Variants in MAST2 observed in about 807,000 individuals in gnomAD.
MAST2 encodes the protein microtubule associated serine/threonine kinase 2, also known as microtubule-associated serine/threonine-protein kinase 2.
A neutral mutation model predicts 147.4 loss-of-function variants in MAST2; 70 were observed. The observed-to-expected ratio is 0.47, with a 90% CI of 0.39 to 0.58. The LOEUF (loss-of-function observed/expected upper bound fraction) is 0.58, where lower values mean the gene tolerates loss of function less well. Among genes scored for constraint, MAST2 ranks in the 20% least tolerant of loss-of-function variants. The pLI is 0.00. For missense variants in MAST2, 2,080 were observed against 2,302.3 expected (o/e 0.90, Z 1.98); for synonymous variants, 869 against 896.8 (o/e 0.97, Z 0.55).
intron 3 of MAST2, among the ~76,000 whole-genome samples, chr1:45,857,726 A>G (rs1645835741): frequency 6.6e-6 from 1 of 151,906 alleles, no homozygotes. Flanking sequence ...CATTAGGTAT[A>G]TCTCCTAATG....
chr1:45,823,730 T>C (rs139344117), intron 1 of MAST2, among the ~76,000 whole-genome samples: 1 of 152,308 alleles, frequency 6.6e-6, no homozygotes, highest in East Asian at 1.9e-4. Context: ...TGACATATAA[T>C]AGATATACCT....
chr1:45,860,649 T>C (rs966225169), intron 3 of MAST2, among the ~76,000 whole-genome samples: 1 of 151,956 alleles, frequency 6.6e-6, no homozygotes, highest in Non-Finnish European at 1.5e-5. Flanking sequence ...CTGGCCAACA[T>C]GGTGAAACCC....
chr1:45,931,114 C>T (rs1184820211), intron 4 of MAST2, among the ~76,000 whole-genome samples: 1 of 152,168 alleles, frequency 6.6e-6, no homozygotes, highest in Non-Finnish European at 1.5e-5. Context: ...CACCAAATGT[C>T]CCAGTAATAT....
intron 17 of MAST2, 54 bp downstream of exon 17, chr1:46,027,917 C>A: frequency 6.2e-7 from 1 of 1,601,852 alleles, no homozygotes. Flanking sequence ...CTTGTCCTGG[C>A]GCAGTGTCTT....
At chr1:45,939,052 A>T (rs752593764) in intron 4 of MAST2, among the ~76,000 whole-genome samples, 4 of 150,710 alleles carry the variant, frequency 2.7e-5, no homozygotes, top group Non-Finnish European at 5.9e-5. Context: ...AAAAATTGAT[A>T]ATTTTTTATT....
At chr1:45,977,465 G>A (rs960576553) in intron 5 of MAST2, among the ~76,000 whole-genome samples, 1 of 151,268 alleles carries the variant, frequency 6.6e-6, no homozygotes, top group African/African-American at 2.4e-5. Context: ...TCCAGCTTGG[G>A]CGACAAGAGG....
At chr1:45,962,356 A>C (rs1223861596) in intron 5 of MAST2, among the ~76,000 whole-genome samples, 1 of 151,978 alleles carries the variant, frequency 6.6e-6, no homozygotes, top group African/African-American at 2.4e-5. Context: ...ACTGACTTCC[A>C]CAATGGTTGA....
intron 6 of MAST2, among the ~76,000 whole-genome samples, chr1:46,001,509 T>C (rs1645273127): frequency 6.6e-6 from 1 of 152,216 alleles, no homozygotes; most frequent in Non-Finnish European, 1.5e-5. Context: ...CGACTTGTTT[T>C]ATTGTGTGGT....
intron 3 of MAST2, among the ~76,000 whole-genome samples, chr1:45,857,051 T>C (rs1645813039): frequency 6.6e-6 from 1 of 152,222 alleles, no homozygotes; most frequent in African/African-American, 2.4e-5. Context: ...CTTCCCTGTT[T>C]TATTTTTCTT....
chr1:45,814,999 A>G (rs952419307), intron 1 of MAST2, among the ~76,000 whole-genome samples: 1 of 152,178 alleles, frequency 6.6e-6, no homozygotes, highest in African/African-American at 2.4e-5. Context: ...GCCCAAGGGA[A>G]CCATGTGTTA....
chr1:46,017,625 C>T (rs1296055025), intron 10 of MAST2, among the ~76,000 whole-genome samples: 13 of 152,030 alleles, frequency 8.6e-5, no homozygotes, highest in African/African-American at 3.1e-4. Flanking sequence ...GAGATACCAT[C>T]TCACACCAGT....
In MAST2 at chr1:46,032,286, G is replaced by A; in HGVS notation, c.3296G>A (p.Gly1099Asp). Residue 1099 changes from glycine (G) to aspartate (D), a missense_variant, in exon 25 of 29, where the codon GGC becomes GAC. Coordinates refer to ENST00000361297, the MANE Select transcript of MAST2 (RefSeq NM_015112.3). Reference sequence around the variant, plus strand: ...AGCAGGGACTTCTTGCCAGCCCTTGGCAGCATGAGGCCTCCCATCATCATC... The same window carrying A: ...AGCAGGGACTTCTTGCCAGCCCTTGACAGCATGAGGCCTCCCATCATCATC... ...SPSRDFLPALGSMRPPIIIHR... is the reference protein window; with the variant it reads ...SPSRDFLPALDSMRPPIIIHR... The A allele has an allele frequency of 6.2e-7, 1 of 1,614,204 alleles. No individual in the cohort carries two copies. Among genetic ancestry groups the A allele is most frequent in the Non-Finnish European group, 8.5e-7 (1 of 1,180,038 alleles).
intron 17 of MAST2, 91 bp downstream of exon 17, chr1:46,027,954 G>T: frequency 6.7e-7 from 1 of 1,497,604 alleles, no homozygotes; most frequent in Non-Finnish European, 9.1e-7. Flanking sequence ...CCCTTTGGGA[G>T]GCTGAGGCAG....
At chr1:45,975,526 G>A (rs1482837027) in intron 5 of MAST2, among the ~76,000 whole-genome samples, 3 of 128,782 alleles carry the variant, frequency 2.3e-5, no homozygotes, top group African/African-American at 9.0e-5. Context: ...AAAAAAGCCA[G>A]GTGTGGTAAT....
chr1:45,901,484 G>C (rs1250288849), intron 4 of MAST2, among the ~76,000 whole-genome samples: 1 of 152,104 alleles, frequency 6.6e-6, no homozygotes, highest in Non-Finnish European at 1.5e-5. Context: ...TACTATGTGG[G>C]CTCTTCTTTG....
rs752947490 is a variant in MAST2, at chr1:46,036,118, A to G, written c.*52A>G. On this transcript the variant is annotated 3_prime_UTR_variant, in exon 29 of 29. Transcript: ENST00000361297. Reference sequence around the variant, plus strand: ...GACCTGTGTAATATATGCTCCTGGAAACCATCTTTATGTCTTTTGCTTGCT... The same window carrying G: ...GACCTGTGTAATATATGCTCCTGGAGACCATCTTTATGTCTTTTGCTTGCT... 5 of 1,502,760 alleles carry G rather than the reference A, an allele frequency of 3.3e-6. No homozygotes were observed. The highest frequency in any genetic ancestry group is 4.5e-6 in the Non-Finnish European group (5 of 1,114,244). The allele number at this position is 1,502,760 out of a possible 1,614,324, so 93.1% of individuals were successfully genotyped here.
intron 4 of MAST2, among the ~76,000 whole-genome samples, chr1:45,898,281 G>A (rs988613588): frequency 6.6e-6 from 1 of 152,166 alleles, no homozygotes; most frequent in African/African-American, 2.4e-5. Flanking sequence ...TTAAGTATGA[G>A]CACATACGTC....
intron 4 of MAST2, among the ~76,000 whole-genome samples, chr1:45,899,869 T>A (rs1430281677): frequency 6.6e-6 from 1 of 151,994 alleles, no homozygotes; most frequent in South Asian, 2.1e-4. Context: ...TTTTTTTTTT[T>A]AAGATTTCTT....
chr1:45,846,725 T>C (rs1238755938), intron 3 of MAST2, among the ~76,000 whole-genome samples: 1 of 151,728 alleles, frequency 6.6e-6, no homozygotes, highest in Non-Finnish European at 1.5e-5. Context: ...CCTGGGAGGC[T>C]GAGGCAGGAG....
Sources: allele counts gnomAD v4.1 joint callset (sites outside exome capture counted in the v4.1 genomes callset), GRCh38; gene constraint gnomAD v4.1.1; transcripts MANE v1.5; gene names NCBI Gene and HGNC (gene_info 2026-07-23, HGNC 2026-07-21).